The following ERN1 variants were observed in gnomAD, a reference collection of about 807,000 sequenced individuals.
The protein encoded by ERN1 is serine/threonine-protein kinase/endoribonuclease IRE1.
A neutral mutation model predicts 113.1 loss-of-function variants in ERN1; 39 were observed. The ratio of observed to expected loss-of-function variants is 0.34; its 90% CI spans 0.27 to 0.45. The LOEUF is 0.45. Ranked by LOEUF, ERN1 falls within the 20% of genes least tolerant of loss-of-function variation. The pLI is 1.00. For synonymous variants in ERN1, 507 were observed against 515.9 expected, an observed-to-expected ratio of 0.98 and a Z score of 0.23; for missense variants, 976 against 1,274.8, an observed-to-expected ratio of 0.77 and a Z score of 3.57.
intron 2 of ERN1, among the ~76,000 whole-genome samples, chr17:64,082,528 T>C (rs1336293167): frequency 6.6e-6 from 1 of 152,178 alleles, no homozygotes; most frequent in Non-Finnish European, 1.5e-5. Flanking sequence ...TTCAGCCACT[T>C]AAAGGTATCA....
intron 20 of ERN1, among the ~76,000 whole-genome samples, 179 bp downstream of exon 20, chr17:64,045,180 C>A (rs1186771460): frequency 1.3e-5 from 2 of 151,936 alleles, no homozygotes; most frequent in African/African-American, 2.4e-5. Flanking sequence ...CTCTAGGGAA[C>A]AAAAATGAAA....
chr17:64,120,873 C>CTCT (rs1172773726), intron 1 of ERN1, among the ~76,000 whole-genome samples: 1 of 152,142 alleles, frequency 6.6e-6, no homozygotes, highest in Non-Finnish European at 1.5e-5. Flanking sequence ...AACCCACTTG[C>CTCT]TTGATGATAT....
chr17:64,110,197 T>C (rs539166896), intron 1 of ERN1, among the ~76,000 whole-genome samples: 17 of 152,216 alleles, frequency 1.1e-4, no homozygotes, highest in Non-Finnish European at 1.9e-4. Context: ...ACCAGTCTTT[T>C]TAAAAAAAGT....
chr17:64,049,002 C>T lies in ERN1; in HGVS notation c.2401+53G>A. 2.0e-6 allele frequency: 3 copies of T among 1,486,494 alleles called. No homozygotes were observed. The highest frequency in any genetic ancestry group is 2.4e-5 in the East Asian group (1 of 41,488). The allele number at this position is 1,486,494 out of a possible 1,614,324, so 92.1% of individuals were successfully genotyped here. On this transcript the variant is annotated intron_variant, in intron 18 of 21. Transcript: ENST00000433197. This position sits in a 1 kb window ranked among gnomAD's most constrained non-coding sequence, Gnocchi z 4.7. ...GTGGCACCAGCCCAGCTCTGCAGGG[C>T]CACCTGAGGCAGCTGAGGAGCTGCT... is the stretch of plus-strand genomic sequence containing the variant.
chr17:64,054,373 G>C lies in ERN1; in HGVS notation c.1830C>G (p.Asp610Glu). 1 of 1,607,816 alleles carries C rather than the reference G, an allele frequency of 6.2e-7. No individual in the cohort carries two copies. Among genetic ancestry groups the C allele is most frequent in the Non-Finnish European group, 8.5e-7 (1 of 1,177,094 alleles). The change falls in exon 15 of 22, where the codon GAC (aspartate) becomes GAG (glutamate). Residue 610 changes from aspartate (D) to glutamate (E), a missense_variant. Transcript: ENST00000433197. This position sits in a 1 kb window ranked among gnomAD's most constrained non-coding sequence, Gnocchi z 4.9. The part of the protein sequence containing the change: ...RILPECFSFA[D>E]REVQLLRESD... ...ATTCTCGCAACAGCTGGACCTCACG[G>C]TCTGCGAAGCTAAAACACTCGGGGA...
Position 64,064,010 on chromosome 17 carries a change from A to G in ERN1, c.1063T>C (p.Leu355=), listed in dbSNP as rs770952741. 5.0e-6 allele frequency: 8 copies of G among 1,613,946 alleles called. No homozygotes were observed. Among genetic ancestry groups the G allele is most frequent in the Non-Finnish European group, 5.9e-6 (7 of 1,179,874 alleles). ...GLKSKNKLNY[L]RNYWLLIGHH... ...CCTATCAGAAGCCAGTAATTCCTCA[A>G]GTAGTTGAGCTTGTTCTTGCTTTTG... Residue 355 remains leucine (L), a synonymous_variant, in exon 10 of 22, where the codon TTG becomes CTG. Coordinates refer to ENST00000433197, the MANE Select transcript of ERN1 (RefSeq NM_001433.5).
chr17:64,072,796 C>G (rs1026492529), intron 5 of ERN1, among the ~76,000 whole-genome samples: 2 of 152,144 alleles, frequency 1.3e-5, no homozygotes, highest in African/African-American at 4.8e-5. Flanking sequence ...TGGTATATAC[C>G]CAACAGCATC....
chr17:64,074,312 A>C (rs1913520817), intron 5 of ERN1, among the ~76,000 whole-genome samples: 1 of 152,224 alleles, frequency 6.6e-6, no homozygotes, highest in Non-Finnish European at 1.5e-5. Context: ...CAAAAGCTGG[A>C]AGACCAGATA....
At chr17:64,050,808 C>T (rs183512277) in intron 17 of ERN1, among the ~76,000 whole-genome samples, 7 of 152,238 alleles carry the variant, frequency 4.6e-5, no homozygotes, top group Non-Finnish European at 1.5e-5. Flanking sequence ...TTACGGCGTG[C>T]GTGCGTGTTT....
intron 2 of ERN1, among the ~76,000 whole-genome samples, chr17:64,094,541 G>A (rs1347512851): frequency 6.6e-6 from 1 of 151,876 alleles, no homozygotes; most frequent in Non-Finnish European, 1.5e-5. Context: ...CTGTATGACT[G>A]GCCCATCTCT....
At chr17:64,048,611 C>T (rs1912585726) in intron 18 of ERN1, among the ~76,000 whole-genome samples, 1 of 152,192 alleles carries the variant, frequency 6.6e-6, no homozygotes, top group Admixed American at 6.5e-5. Context: ...TTGTTGCACC[C>T]ATACCAGGAG....
chr17:64,092,530 G>C (rs925838164), intron 2 of ERN1, among the ~76,000 whole-genome samples: 7 of 152,012 alleles, frequency 4.6e-5, no homozygotes, highest in Non-Finnish European at 7.4e-5. Flanking sequence ...TCCACTCAAG[G>C]GACATCTCCG....
At chr17:64,056,369 C>G (rs961756922) in intron 12 of ERN1, among the ~76,000 whole-genome samples, 1 of 152,198 alleles carries the variant, frequency 6.6e-6, no homozygotes, top group East Asian at 1.9e-4. Context: ...CGCCACCCAC[C>G]GTGTCTGTGT....
At chr17:64,127,959 G>C (rs909251032) in intron 1 of ERN1, among the ~76,000 whole-genome samples, 11 of 151,620 alleles carry the variant, frequency 7.3e-5, no homozygotes, top group African/African-American at 2.7e-4. Context: ...CTATGTTTGG[G>C]GGTAAAAACC....
rs368155248 is a variant in ERN1, at chr17:64,054,334, C to T, written c.1869G>A (p.Pro623=). The change falls in exon 15 of 22, where the codon CCG becomes CCA. Residue 623 remains proline (P), a synonymous_variant. Coordinates refer to ENST00000433197, the MANE Select transcript of ERN1 (RefSeq NM_001433.5). This position sits in a 1 kb window ranked among gnomAD's most constrained non-coding sequence, Gnocchi z 4.9. ...VQLLRESDEH[P]NVIRYFCTEK... is the part of the protein sequence containing the mutation. ...CCGTGCAGAAGTAGCGGATCACGTTCGGGTGCTCATCCGATTCTCGCAACA... is the reference window on the plus strand; with the variant it reads ...CCGTGCAGAAGTAGCGGATCACGTTTGGGTGCTCATCCGATTCTCGCAACA... The T allele has an allele frequency of 3.7e-5, 60 of 1,613,242 alleles. No homozygotes were observed. Among genetic ancestry groups the T allele is most frequent in the African/African-American group, 2.0e-4 (15 of 75,046 alleles).
chr17:64,042,422 C>T lies in ERN1; in HGVS notation c.*1566G>A, dbSNP rs1287783406. The T allele has an allele frequency of 6.6e-6, 1 of 152,188 alleles. No homozygotes were observed. The highest frequency in any genetic ancestry group is 1.5e-5 in the Non-Finnish European group (1 of 68,034). The allele number at this position is 152,188 out of a possible 1,614,324, so 9.4% of individuals were successfully genotyped here. A position where few individuals can be genotyped will look rare whatever the true frequency, so the allele number is the denominator to read the frequency against. On this transcript the variant is annotated 3_prime_UTR_variant, in exon 22 of 22. Transcript: ENST00000433197. ...TTGATGAGTAACCATGATACAAATA[C>T]ACAAACAGAAAACATCTTACAACAT...
intron 1 of ERN1, among the ~76,000 whole-genome samples, chr17:64,113,931 C>T (rs557981785): frequency 2.0e-5 from 3 of 152,070 alleles, no homozygotes; most frequent in Non-Finnish European, 4.4e-5. Flanking sequence ...ATCCACCCAC[C>T]TCGGCCTCCC....
chr17:64,104,102 T>C (rs1598082036), intron 1 of ERN1, among the ~76,000 whole-genome samples: 1 of 150,882 alleles, frequency 6.6e-6, no homozygotes, highest in South Asian at 2.1e-4. Flanking sequence ...ATTTGCCAGG[T>C]GTTGTGGTTT....
chr17:64,063,819 G>A lies in ERN1; in HGVS notation c.1087+167C>T, dbSNP rs1412507877. On this transcript the variant is annotated intron_variant, in intron 10 of 21. Coordinates refer to ENST00000433197, the MANE Select transcript of ERN1 (RefSeq NM_001433.5). This position sits in a 1 kb window ranked among gnomAD's most constrained non-coding sequence, Gnocchi z 5.1. ...GACTCAGAAACACAGCTACCTTGTTGATTTTCCTTGGGGGTAAAAATGTCC... is the reference window on the plus strand; with the variant it reads ...GACTCAGAAACACAGCTACCTTGTTAATTTTCCTTGGGGGTAAAAATGTCC... 6.6e-6 allele frequency among the ~76,000 whole-genome samples: 1 copy of A among 152,134 alleles called. No homozygotes were observed. Among genetic ancestry groups the A allele is most frequent in the Non-Finnish European group, 1.5e-5 (1 of 68,022 alleles).
Sources: allele counts gnomAD v4.1 joint callset (sites outside exome capture counted in the v4.1 genomes callset), GRCh38; gene constraint gnomAD v4.1.1; non-coding constraint Gnocchi (gnomAD v3.1); transcripts MANE v1.5; gene names NCBI Gene and HGNC (gene_info 2026-07-23, HGNC 2026-07-21).